Variants in SNX24 observed in about 807,000 individuals in gnomAD.
SNX24 encodes the protein sorting nexin 24, also known as sorting nexin-24.
A neutral mutation model predicts 28.7 loss-of-function variants in SNX24; 22 were observed. The ratio of observed to expected loss-of-function variants is 0.77; its 90% CI spans 0.55 to 1.10. The LOEUF is 1.10. Ranked by LOEUF, SNX24 falls within the 50% of genes least tolerant of loss-of-function variation. The pLI is 0.00. For missense variants in SNX24, 221 were observed against 201.1 expected (o/e 1.10, Z -0.60); for synonymous variants, 69 against 71.5 (o/e 0.96, Z 0.18).
At chr5:123,000,894 C>G (rs1199296762) in intron 4 of SNX24, among the ~76,000 whole-genome samples, 1 of 152,188 alleles carries the variant, frequency 6.6e-6, no homozygotes, top group African/African-American at 2.4e-5. Context: ...AGGCCACACC[C>G]AAAGTCATGT....
intron 1 of SNX24, among the ~76,000 whole-genome samples, chr5:122,926,441 G>A (rs1581757422): frequency 6.6e-6 from 1 of 152,186 alleles, no homozygotes; most frequent in African/African-American, 2.4e-5. Context: ...TGAGGCCTGG[G>A]TGAAGACACA....
intron 1 of SNX24, among the ~76,000 whole-genome samples, chr5:122,923,094 G>T (rs901639471): frequency 6.6e-6 from 1 of 152,038 alleles, no homozygotes; most frequent in Admixed American, 6.6e-5. Context: ...ATTTTCGGAG[G>T]CTAAGGCAAG....
chr5:122,895,265 G>A (rs1295035984), intron 1 of SNX24, among the ~76,000 whole-genome samples: 1 of 152,028 alleles, frequency 6.6e-6, no homozygotes, highest in Non-Finnish European at 1.5e-5. Flanking sequence ...TTAGGGGATA[G>A]GTGTAAGCAT....
intron 3 of SNX24, among the ~76,000 whole-genome samples, chr5:122,999,453 G>GTT (rs1425900082): frequency 9.7e-6 from 1 of 102,726 alleles, no homozygotes; most frequent in Non-Finnish European, 2.7e-5. Context: ...CCTGTGGGGA[G>GTT]ATACACACAC....
At chr5:122,889,727 G>GTA (rs34634244) in intron 1 of SNX24, among the ~76,000 whole-genome samples, 56 of 143,576 alleles carry the variant, frequency 3.9e-4, no homozygotes, top group African/African-American at 1.2e-3. Flanking sequence ...ATATGTATGT[G>GTA]TATATATATA....
intron 3 of SNX24, among the ~76,000 whole-genome samples, chr5:122,963,149 G>A (rs890525701): frequency 3.3e-5 from 5 of 152,146 alleles, no homozygotes; most frequent in African/African-American, 7.2e-5. Context: ...CAGGAGAATC[G>A]CTTGAACCTG....
intron 1 of SNX24, among the ~76,000 whole-genome samples, chr5:122,921,015 C>T (rs2150102259): frequency 6.6e-6 from 1 of 152,256 alleles, no homozygotes. Context: ...CATGAGCCAC[C>T]ATGCCCAGCC....
intron 1 of SNX24, among the ~76,000 whole-genome samples, chr5:122,886,274 G>T (rs1756708872): frequency 6.6e-6 from 1 of 152,146 alleles, no homozygotes; most frequent in Non-Finnish European, 1.5e-5. Context: ...ATACTTTATA[G>T]AAGAGAATGT....
intron 1 of SNX24, among the ~76,000 whole-genome samples, chr5:122,857,645 G>C (rs1029249087): frequency 2.6e-5 from 4 of 152,086 alleles, no homozygotes; most frequent in African/African-American, 9.7e-5. Flanking sequence ...CCACTTATAA[G>C]TGAGAACATG....
At chr5:122,883,493 T>C (rs1368217928) in intron 1 of SNX24, among the ~76,000 whole-genome samples, 1 of 152,226 alleles carries the variant, frequency 6.6e-6, no homozygotes, top group Non-Finnish European at 1.5e-5. Flanking sequence ...TAAACTTCTT[T>C]CGTTGGTTGC....
intron 1 of SNX24, among the ~76,000 whole-genome samples, chr5:122,914,282 G>T (rs1017150574): frequency 5.3e-5 from 8 of 152,222 alleles, no homozygotes; most frequent in East Asian, 3.8e-4. Flanking sequence ...TTGATGTGTT[G>T]CTGGATTCGG....
chr5:123,000,560 TC>T (rs574869119), intron 4 of SNX24, among the ~76,000 whole-genome samples: 146 of 152,188 alleles, frequency 9.6e-4, no homozygotes, highest in Non-Finnish European at 1.5e-3. Context: ...CTCAGGAACT[TC>T]CAGTGGCAGG....
At chr5:122,953,252 C>T (rs559153344) in intron 3 of SNX24, among the ~76,000 whole-genome samples, 15 of 152,116 alleles carry the variant, frequency 9.9e-5, no homozygotes, top group African/African-American at 3.1e-4. Flanking sequence ...TTACAGGCAC[C>T]TGCCACCATG....
intron 5 of SNX24, among the ~76,000 whole-genome samples, chr5:123,021,376 G>C (rs1300480927): frequency 6.6e-6 from 1 of 152,116 alleles, no homozygotes; most frequent in African/African-American, 2.4e-5. Flanking sequence ...CATCTGTAGG[G>C]TCAGCCCACC....
chr5:122,897,350 A>G lies in SNX24; in HGVS notation c.61-39384A>G, dbSNP rs372121939. Among the ~76,000 whole-genome samples the G allele has an allele frequency of 1.9e-4, 29 of 152,294 alleles. No homozygotes were observed. The South Asian group carries it at 5.8e-3, about 30-fold the overall frequency. On this transcript the variant is annotated intron_variant, in intron 1 of 6. Transcript: ENST00000261369. ...TTTTCTTAGGCTATCATAAGAAAAC[A>G]TGACATCAATTTTTCTCTCCCTATT...
chr5:122,935,264 A>C (rs1759133076), intron 1 of SNX24, among the ~76,000 whole-genome samples: 1 of 152,192 alleles, frequency 6.6e-6, no homozygotes. Context: ...CCCCAAGTTA[A>C]AGCTGTGCTT....
chr5:122,919,459 T>C (rs1758321661), intron 1 of SNX24, among the ~76,000 whole-genome samples: 1 of 152,146 alleles, frequency 6.6e-6, no homozygotes, highest in Non-Finnish European at 1.5e-5. Context: ...ACAAAACTCA[T>C]TTAGGGTCAT....
chr5:123,005,429 C>G (rs931327737), intron 6 of SNX24, among the ~76,000 whole-genome samples: 6 of 152,216 alleles, frequency 3.9e-5, no homozygotes, highest in African/African-American at 1.2e-4. Flanking sequence ...ACTTCCCTGT[C>G]TCTGGGCCCT....
At chr5:123,002,571 G>T (rs1316198382) in intron 6 of SNX24, among the ~76,000 whole-genome samples, 1 of 152,190 alleles carries the variant, frequency 6.6e-6, no homozygotes, top group Non-Finnish European at 1.5e-5. Flanking sequence ...GGCGGAGCTT[G>T]CAGTGAGCCG....
Sources: gnomAD v4.1 joint callset for allele counts (sites outside exome capture counted in the v4.1 genomes callset) on GRCh38, gnomAD v4.1.1 for gene constraint, MANE v1.5 for transcripts, NCBI Gene and HGNC (gene_info 2026-07-23, HGNC 2026-07-21) for gene names.